The following ZSCAN5A variants were observed in gnomAD, a reference collection of about 807,000 sequenced individuals.
The protein encoded by ZSCAN5A is zinc finger and SCAN domain-containing protein 5A.
A neutral mutation model predicts 23.7 loss-of-function variants in ZSCAN5A; 12 were observed. The observed-to-expected ratio is 0.51, with a 90% confidence interval of 0.32 to 0.82. The LOEUF is 0.82. Ranked by LOEUF, ZSCAN5A falls within the 40% of genes least tolerant of loss-of-function variation. ZSCAN5A has a pLI of 0.03. For synonymous variants in ZSCAN5A, 257 were observed against 239.9 expected (o/e 1.07, Z -0.66); for missense variants, 597 against 617.9 (o/e 0.97, Z 0.36).
At chr19:56,281,008 C>T (rs926559668) in intron 2 of ZSCAN5A, among the ~76,000 whole-genome samples, 20 of 152,256 alleles carry the variant, frequency 1.3e-4, no homozygotes, top group Admixed American at 4.6e-4. Context: ...AACTTAACTA[C>T]GAATAGCCTA....
chr19:56,322,402 A>G (rs966814630), intron 2 of ZSCAN5A: 3 of 661,998 alleles, frequency 4.5e-6, no homozygotes, highest in African/African-American at 1.8e-5. Context: ...TAGGCCTACA[A>G]ATTTGTCCAG....
intron 2 of ZSCAN5A, among the ~76,000 whole-genome samples, chr19:56,236,098 C>G (rs2034888934): frequency 1.7e-5 from 1 of 58,814 alleles, no homozygotes; most frequent in African/African-American, 7.0e-5. Flanking sequence ...AGTCTCCACT[C>G]CAGCCTCTGA....
intron 2 of ZSCAN5A, among the ~76,000 whole-genome samples, chr19:56,287,000 A>G (rs1371022866): frequency 6.6e-6 from 1 of 152,242 alleles, no homozygotes; most frequent in Non-Finnish European, 1.5e-5. Context: ...TTGTGAGATT[A>G]TGATAAAATG....
rs916118333 is a variant in ZSCAN5A at position 56,351,547 on chromosome 19, T to C, written c.-358+11688A>G. ...GTCTTTCTGTTGCGCACAGGGTCTA[T>C]CTCTGTTCCTTTCCCATGTCTCAGT... On this transcript the variant is annotated intron_variant, in intron 2 of 6. Coordinates refer to the ZSCAN5A transcript ENST00000587340. This position sits in a 1 kb window ranked among gnomAD's most constrained non-coding sequence, Gnocchi z 4.8. 2.6e-5 allele frequency among the ~76,000 whole-genome samples: 4 copies of C among 152,296 alleles called. No homozygotes were observed. The highest frequency in any genetic ancestry group is 2.0e-4 in the Admixed American group (3 of 15,296).
intron 2 of ZSCAN5A, among the ~76,000 whole-genome samples, chr19:56,333,577 T>C (rs1168705966): frequency 2.0e-5 from 3 of 152,148 alleles, no homozygotes; most frequent in Admixed American, 2.0e-4. Context: ...ATTTTGAACC[T>C]TGCCTTGGGT....
chr19:56,357,115 T>A (rs1428284983), intron 2 of ZSCAN5A, among the ~76,000 whole-genome samples: 1 of 148,842 alleles, frequency 6.7e-6, no homozygotes, highest in East Asian at 1.9e-4. Context: ...GGCCTTCTTC[T>A]CCTCTTTCTC....
intron 2 of ZSCAN5A, among the ~76,000 whole-genome samples, chr19:56,249,743 A>T (rs1600094108): frequency 6.6e-6 from 1 of 152,182 alleles, no homozygotes; most frequent in East Asian, 1.9e-4. Context: ...AGACCTCCTC[A>T]GTGTTGATAC....
Position 56,260,213 on chromosome 19 carries a change from AC to A in ZSCAN5A, c.-127-35041del, listed in dbSNP as rs1450486227. On this transcript the variant is annotated intron_variant, in intron 2 of 5. Coordinates refer to ENST00000683990, the MANE Select transcript of ZSCAN5A (RefSeq NM_001322064.3). ...TGTTTTAGTAATTAAATATTTTTTT[AC>A]TTTTTTTTTTTTTTTTTTGGAGACA... 5.4e-5 allele frequency among the ~76,000 whole-genome samples: 7 copies of A among 130,780 alleles called. No individual in the cohort carries two copies. In the East Asian group the frequency reaches 1.3e-3, roughly 25 times the overall value. The allele number at this position is 130,780 out of a possible 152,430, so 85.8% of individuals were successfully genotyped here.
chr19:56,336,746 G>A (rs932229731), intron 2 of ZSCAN5A, among the ~76,000 whole-genome samples: 2 of 152,036 alleles, frequency 1.3e-5, no homozygotes, highest in Non-Finnish European at 2.9e-5. Context: ...TGATGGTGAC[G>A]TACAGATGGG....
At chr19:56,302,409 TCCC>T (rs1162399326) in intron 2 of ZSCAN5A, among the ~76,000 whole-genome samples, 227 of 132,206 alleles carry the variant, frequency 1.7e-3, no homozygotes, top group African/African-American at 6.4e-3. Context: ...TCTTTCCTCC[TCCC>T]TTCATCCCTC....
At chr19:56,246,543 T>C in intron 2 of ZSCAN5A, 1 of 664,592 alleles carries the variant, frequency 1.5e-6, no homozygotes, top group Non-Finnish European at 2.7e-6. Context: ...AGCATTATCA[T>C]GTCTGGGGGA....
intron 2 of ZSCAN5A, among the ~76,000 whole-genome samples, chr19:56,359,383 A>G (rs1181119337): frequency 1.3e-5 from 2 of 152,218 alleles, no homozygotes; most frequent in Non-Finnish European, 2.9e-5. Flanking sequence ...ACCAGGAAGA[A>G]GTTGAATCCC....
intron 2 of ZSCAN5A, among the ~76,000 whole-genome samples, chr19:56,346,796 CCTCCTGGGTTCACGCCATT>C (rs1220804986): frequency 1.7e-4 from 26 of 152,186 alleles, no homozygotes; most frequent in Non-Finnish European, 2.2e-4. Context: ...GCAAGCTCCA[CCTCCTGGGTTCACGCCATT>C]CTCCTGGGTT....
chr19:56,246,647 C>A (rs969735408), intron 2 of ZSCAN5A: 4 of 752,476 alleles, frequency 5.3e-6, no homozygotes, highest in Non-Finnish European at 9.0e-6. Context: ...AAGTTGTCAG[C>A]CAACATCAGT....
chr19:56,260,524 A>AT (rs2037052249), intron 2 of ZSCAN5A, among the ~76,000 whole-genome samples: 1 of 151,548 alleles, frequency 6.6e-6, no homozygotes, highest in Non-Finnish European at 1.5e-5. Context: ...TTTTTTTTAC[A>AT]TTTTTTTAAT....
intron 2 of ZSCAN5A, among the ~76,000 whole-genome samples, chr19:56,248,590 T>C (rs1179155711): frequency 6.6e-6 from 1 of 152,186 alleles, no homozygotes; most frequent in Non-Finnish European, 1.5e-5. Context: ...ATTATTTTAT[T>C]CAAATTTTTT....
At chr19:56,302,024 A>G (rs1600232215) in intron 2 of ZSCAN5A, 1 of 1,232,040 alleles carries the variant, frequency 8.1e-7, no homozygotes, top group East Asian at 3.2e-5. Context: ...GAGGAAGAAC[A>G]CGTGGAACTT....
At chr19:56,360,185 A>C (rs1368198965) in intron 2 of ZSCAN5A, among the ~76,000 whole-genome samples, 1 of 152,224 alleles carries the variant, frequency 6.6e-6, no homozygotes, top group Non-Finnish European at 1.5e-5. Flanking sequence ...CCATCAACTC[A>C]GCCCAAAAAC....
chr19:56,272,835 A>T (rs545989253), intron 2 of ZSCAN5A: 1 of 984,780 alleles, frequency 1.0e-6, no homozygotes, highest in African/African-American at 1.7e-5. Context: ...CAGCCCCATC[A>T]TGCACAGATC....
Sources: gnomAD v4.1 joint callset for allele counts (sites outside exome capture counted in the v4.1 genomes callset) on GRCh38, gnomAD v4.1.1 for gene constraint, Gnocchi (gnomAD v3.1) non-coding constraint, MANE v1.5 for transcripts, NCBI Gene and HGNC (gene_info 2026-07-23, HGNC 2026-07-21) for gene names.